The following AKAP9 variants were observed in gnomAD, a reference collection of about 807,000 sequenced individuals.
The protein encoded by AKAP9 is A-kinase anchor protein 9.
AKAP9 carries 311 observed loss-of-function variants against 488.5 expected under a neutral mutation model. That is an observed-to-expected ratio of 0.64 (90% CI 0.58 to 0.70). The LOEUF is 0.70. Among genes scored for constraint, AKAP9 ranks in the 30% least tolerant of loss-of-function variants. The pLI, the probability that AKAP9 is intolerant of heterozygous loss-of-function variation, is 0.00. For missense variants in AKAP9, 4,215 were observed against 4,374.5 expected, an observed-to-expected ratio of 0.96 and a Z score of 1.03; for synonymous variants, 1,462 against 1,483.5, an observed-to-expected ratio of 0.99 and a Z score of 0.33.
At chr7:91,946,422 G>A (rs543253270) in intron 1 of AKAP9, among the ~76,000 whole-genome samples, 2 of 147,190 alleles carry the variant, frequency 1.4e-5, no homozygotes, top group Admixed American at 6.9e-5. Flanking sequence ...ACGAGATCTC[G>A]CTGTGTTGTC....
intron 28 of AKAP9, 68 bp downstream of exon 28, chr7:92,071,077 T>G: frequency 7.2e-7 from 1 of 1,380,680 alleles, no homozygotes; most frequent in South Asian, 1.2e-5. Context: ...CTTGAAAATA[T>G]TATTTGAACT....
chr7:91,971,982 CTTTTTTT>C (rs71107846), intron 1 of AKAP9, among the ~76,000 whole-genome samples: 6 of 91,886 alleles, frequency 6.5e-5, no homozygotes, highest in Non-Finnish European at 1.2e-4. Context: ...TTTTGCCTCT[CTTTTTTT>C]TTTTTTTTTT....
rs942001512 is a variant in AKAP9, at chr7:92,046,654, T to C, written c.5368+1441T>C. 2.0e-5 allele frequency among the ~76,000 whole-genome samples: 3 copies of C among 152,366 alleles called. No homozygotes were observed. The East Asian group carries it at 5.8e-4, about 29-fold the overall frequency. On this transcript the variant is annotated intron_variant, in intron 21 of 49. Transcript: ENST00000356239. ...AACTTGGTGGAAGGATTTTTCAAAT[T>C]AACTTCACTCTTGGTTAAGCTCTCA...
chr7:92,002,078 A>G lies in AKAP9; in HGVS notation c.2161A>G (p.Ile721Val), dbSNP rs1332040015. The change falls in exon 8 of 50, where the codon ATC becomes GTC. Residue 721 changes from isoleucine (I) to valine (V), a missense_variant. Ile to Val is a conservative substitution (Grantham distance 29, BLOSUM62 3). Around this residue, in one of 5 missense-constraint regions of AKAP9, gnomAD observed 2,361 missense variants for 2,430.0 expected, o/e 0.97. Transcript: ENST00000356239. Reference sequence around the variant, plus strand: ...AAAGTCAGAAGAAATGACTCTTCAAATCAATGAACTTCAAAAAGAAATTGA... The same window carrying G: ...AAAGTCAGAAGAAATGACTCTTCAAGTCAATGAACTTCAAAAAGAAATTGA... ...NSKSEEMTLQ[I>V]NELQKEIEIL... 1.3e-6 allele frequency: 2 copies of G among 1,595,690 alleles called. No individual in the cohort carries two copies. The highest frequency in any genetic ancestry group is 3.6e-5 in the Admixed American group (2 of 55,524).
chr7:92,108,222 T>C (rs113731644), intron 48 of AKAP9, among the ~76,000 whole-genome samples: 2 of 152,194 alleles, frequency 1.3e-5, no homozygotes, highest in African/African-American at 4.8e-5. Flanking sequence ...CTTAACAGTC[T>C]TCATGACAAG....
At chr7:92,008,008 A>G (rs766017778) in intron 8 of AKAP9, among the ~76,000 whole-genome samples, 33 of 152,234 alleles carry the variant, frequency 2.2e-4, no homozygotes, top group Non-Finnish European at 4.3e-4. Flanking sequence ...GTTAAGAACA[A>G]AATAAGCAAA....
At chr7:91,996,420 G>T (rs1164213821) in intron 7 of AKAP9, among the ~76,000 whole-genome samples, 1 of 152,018 alleles carries the variant, frequency 6.6e-6, no homozygotes, top group Non-Finnish European at 1.5e-5. Context: ...CTTGCCTGAG[G>T]CCACCCCACT....
chr7:92,004,606 TG>T, intron 8 of AKAP9, among the ~76,000 whole-genome samples: 1 of 152,352 alleles, frequency 6.6e-6, no homozygotes, highest in East Asian at 1.9e-4. Flanking sequence ...ACTCATGATT[TG>T]GCTCTCTGTT....
chr7:91,945,770 T>G (rs1039426149), intron 1 of AKAP9, among the ~76,000 whole-genome samples: 10 of 152,194 alleles, frequency 6.6e-5, no homozygotes, highest in African/African-American at 2.4e-4. Flanking sequence ...GTCCTTGTGT[T>G]GAACCAAACT....
In AKAP9 at chr7:91,947,233, A is replaced by C. The variant is rs574390121; in HGVS notation, c.48+6086A>C. On this transcript the variant is annotated intron_variant, in intron 1 of 49. Transcript: ENST00000356239. Reference sequence around the variant, plus strand: ...GAGAAAGAGAATTTATAATACTGCTATCTGGTCTGGTAGAAATGGCACTAG... The same window carrying C: ...GAGAAAGAGAATTTATAATACTGCTCTCTGGTCTGGTAGAAATGGCACTAG... Among the ~76,000 whole-genome samples the C allele has an allele frequency of 2.0e-5, 3 of 151,742 alleles. No individual in the cohort carries two copies. The South Asian group carries it at 6.3e-4, about 32-fold the overall frequency.
At chr7:91,980,913 A>G (rs1232229232) in intron 3 of AKAP9, among the ~76,000 whole-genome samples, 2 of 152,126 alleles carry the variant, frequency 1.3e-5, no homozygotes, top group Admixed American at 6.5e-5. Context: ...TGAGGAGACT[A>G]TAAACTATTC....
chr7:92,056,067 A>T (rs1289335186), intron 22 of AKAP9, among the ~76,000 whole-genome samples: 1 of 121,988 alleles, frequency 8.2e-6, no homozygotes, highest in Non-Finnish European at 1.8e-5. Context: ...CTTTCTGAAC[A>T]TGAATTAATA....
At chr7:92,039,257 T>C (rs1805664105) in intron 17 of AKAP9, among the ~76,000 whole-genome samples, 1 of 152,202 alleles carries the variant, frequency 6.6e-6, no homozygotes, top group Non-Finnish European at 1.5e-5. Flanking sequence ...ATAAGTGACT[T>C]AATATTAGTA....
At chr7:92,092,899 C>T (rs973528253) in intron 38 of AKAP9, 198 bp from the exon 39 acceptor site, 19 of 529,682 alleles carry the variant, frequency 3.6e-5, no homozygotes, top group Non-Finnish European at 5.7e-5. Flanking sequence ...CTCCCTCCCA[C>T]CTCAGCCTCC....
Position 92,102,692 on chromosome 7 carries a change from T to C in AKAP9, c.11196T>C (p.Cys3732=), listed in dbSNP as rs755516007. ...TGTTACTGGGTGGGTTCCAGGAATG[T>C]GAAGATGCCACCTTGGCCCTGCTTG... The part of the protein sequence containing the change: ...LLLLLGGFQE[C]EDATLALLAR... The change falls in exon 46 of 50, where the codon TGT becomes TGC. Residue 3732 remains cysteine (C), a synonymous_variant. Coordinates refer to ENST00000356239, the MANE Select transcript of AKAP9 (RefSeq NM_005751.5). 1 of 1,614,208 alleles carries C rather than the reference T, an allele frequency of 6.2e-7. No individual in the cohort carries two copies. The highest frequency in any genetic ancestry group is 1.7e-5 in the Admixed American group (1 of 60,018).
intron 16 of AKAP9, among the ~76,000 whole-genome samples, chr7:92,035,185 T>C (rs927049083): frequency 6.6e-6 from 1 of 152,254 alleles, no homozygotes; most frequent in African/African-American, 2.4e-5. Context: ...AATCCAAATA[T>C]ATTATTTCCC....
At chr7:91,961,608 G>T (rs1328201453) in intron 1 of AKAP9, among the ~76,000 whole-genome samples, 1 of 151,996 alleles carries the variant, frequency 6.6e-6, no homozygotes, top group African/African-American at 2.4e-5. Context: ...ACTTTGGGAG[G>T]CCTAGGCGGG....
At position 92,023,486 on chromosome 7, in the gene AKAP9, G is replaced by A. The variant is rs116408045; in HGVS notation, c.4148+477G>A. Among the ~76,000 whole-genome samples the A allele has an allele frequency of 2.8e-3, 419 of 152,158 alleles. 3 individuals carry two copies. The highest frequency in any genetic ancestry group is 9.6e-3 in the African/African-American group (400 of 41,510). ...CCTTCTGCAGCTATATCCATCTGTCGTTACTCCTCTTTCTCTTATACCTCT... is the reference window on the plus strand; with the variant it reads ...CCTTCTGCAGCTATATCCATCTGTCATTACTCCTCTTTCTCTTATACCTCT... On this transcript the variant is annotated intron_variant, in intron 14 of 49. Coordinates refer to ENST00000356239, the MANE Select transcript of AKAP9 (RefSeq NM_005751.5).
At chr7:92,081,891 A>C (rs941585285) in intron 31 of AKAP9, among the ~76,000 whole-genome samples, 3 of 152,174 alleles carry the variant, frequency 2.0e-5, no homozygotes, top group African/African-American at 7.2e-5. Flanking sequence ...TTTTGCAAAG[A>C]ATAATAATTC....
Sources: gnomAD v4.1 joint callset for allele counts (sites outside exome capture counted in the v4.1 genomes callset) on GRCh38, gnomAD v4.1.1 for gene constraint, gnomAD v4.1.1 regional missense constraint, MANE v1.5 for transcripts, NCBI Gene and HGNC (gene_info 2026-07-23, HGNC 2026-07-21) for gene names.